The following ZNF276 variants were observed in gnomAD, a reference collection of about 807,000 sequenced individuals.
ZNF276 encodes the protein zinc finger protein 276.
Under a neutral mutation model 63.9 loss-of-function variants are expected in ZNF276, and 59 were observed. The observed-to-expected ratio is 0.92, with a 90% CI of 0.75 to 1.15. The LOEUF (loss-of-function observed/expected upper bound fraction) is 1.15. Ranked by LOEUF, ZNF276 falls within the 50% of genes most tolerant of loss-of-function variation. The pLI is 0.00. For missense variants in ZNF276, 1,084 were observed against 843.8 expected, an observed-to-expected ratio of 1.28 and a Z score of -3.53; for synonymous variants, 496 against 348.4, an observed-to-expected ratio of 1.42 and a Z score of -4.72.
Position 89,738,529 on chromosome 16 carries a change from C to G in ZNF276, c.*283C>G, listed in dbSNP as rs1215123045. 109 of 1,605,240 alleles carry G rather than the reference C, an allele frequency of 6.8e-5. No homozygotes were observed. The highest frequency in any genetic ancestry group is 8.9e-5 in the Non-Finnish European group (104 of 1,174,534). ...ATTTGTAATCCACTTTTTAGTGCAA[C>G]AAGAGCTCCATGTTATGCTTGTAAT... On this transcript the variant is annotated 3_prime_UTR_variant, in exon 11 of 11. Coordinates refer to ENST00000443381, the MANE Select transcript of ZNF276 (RefSeq NM_001113525.2).
In ZNF276 at chr16:89,721,780, C is replaced by T; in HGVS notation, c.140C>T (p.Ala47Val). ...GGGCCGAGGGTGGACGGGGCGACGG[C>T]GCGGCGCGCCTGGGGCCCGGTGGGG... ...SGGPRVDGAT[A>V]RRAWGPVGSC... The change falls in exon 1 of 11, where the codon GCG (alanine) becomes GTG (valine). Residue 47 changes from alanine (A) to valine (V), a missense_variant. Coordinates refer to ENST00000443381, the MANE Select transcript of ZNF276 (RefSeq NM_001113525.2). 1 of 1,261,242 alleles carries T rather than the reference C, an allele frequency of 7.9e-7. No homozygotes were observed. The highest frequency in any genetic ancestry group is 3.2e-5 in the East Asian group (1 of 31,264). 78.1% of individuals were successfully genotyped at this position (1,261,242 alleles called of 1,614,324 possible).
At chr16:89,724,456 G>T (rs921564389) in intron 4 of ZNF276, among the ~76,000 whole-genome samples, 1 of 152,190 alleles carries the variant, frequency 6.6e-6, no homozygotes, top group African/African-American at 2.4e-5. Flanking sequence ...AGACCAACCT[G>T]GCCAACATAG....
At position 89,738,433 on chromosome 16, in the gene ZNF276, A is replaced by C; in HGVS notation, c.*187A>C. The stretch of plus-strand genomic sequence containing the variant: ...GGGACCAGTGGTTTATTTTCCCGCA[A>C]ACGCTGAGTGACTCGGGGCCGGACA... On this transcript the variant is annotated 3_prime_UTR_variant, in exon 11 of 11. Transcript: ENST00000443381. 1 of 1,382,688 alleles carries C rather than the reference A, an allele frequency of 7.2e-7. No individual in the cohort carries two copies. Among genetic ancestry groups the C allele is most frequent in the Non-Finnish European group, 9.9e-7 (1 of 1,014,720 alleles). 85.7% of individuals were successfully genotyped at this position (1,382,688 alleles called of 1,614,324 possible). A position where few individuals can be genotyped will look rare whatever the true frequency, so the allele number is the denominator to read the frequency against.
rs2061494930 is a variant in ZNF276 at position 89,727,179 on chromosome 16, G to A, written c.1007-100G>A. 5 of 1,255,282 alleles carry A rather than the reference G, an allele frequency of 4.0e-6. No individual in the cohort carries two copies. In the African/African-American group the frequency reaches 5.9e-5, roughly 15 times the overall value. 77.8% of individuals were successfully genotyped at this position (1,255,282 alleles called of 1,614,324 possible). A position where few individuals can be genotyped will look rare whatever the true frequency, so the allele number is the denominator to read the frequency against. The stretch of plus-strand genomic sequence containing the variant: ...GAGAACTTGAGGGTCAGGGACCCCA[G>A]TCTCCCTTCTAGTCATCAATAGTAG... On this transcript the variant is annotated intron_variant, in intron 4 of 10. Coordinates refer to ENST00000443381, the MANE Select transcript of ZNF276 (RefSeq NM_001113525.2).
chr16:89,732,164 CTCTCTT>C (rs66866449), intron 6 of ZNF276: 59,420 of 152,014 alleles, frequency 0.39, 12,844 homozygotes, highest in East Asian at 0.75. Flanking sequence ...AAGTGCGTCT[CTCTCTT>C]TAAGTCTCCG....
At chr16:89,733,580 C>T (rs765436265) in intron 8 of ZNF276, 23 bp downstream of exon 8, 3 of 1,612,386 alleles carry the variant, frequency 1.9e-6, no homozygotes, top group South Asian at 1.1e-5. Context: ...TGTGCCTGAC[C>T]CAGGCCCGGC....
Position 89,739,961 on chromosome 16 carries a change from T to A in ZNF276, c.*1715T>A. The A allele has an allele frequency of 6.2e-7, 1 of 1,612,292 alleles. No individual in the cohort carries two copies. The highest frequency in any genetic ancestry group is 8.5e-7 in the Non-Finnish European group (1 of 1,178,426). On this transcript the variant is annotated 3_prime_UTR_variant, in exon 11 of 11. Transcript: ENST00000443381. ...AAGATGCCTCTGAAAAGAGCGGCCCTCCGCATTTGTGCCTCAGCAGCGTGT... is the reference window on the plus strand; with the variant it reads ...AAGATGCCTCTGAAAAGAGCGGCCCACCGCATTTGTGCCTCAGCAGCGTGT...
At position 89,735,176 on chromosome 16, in the gene ZNF276, C is replaced by T. The variant is rs574992453; in HGVS notation, c.1474+1138C>T. Among the ~76,000 whole-genome samples, 5 of 151,942 alleles carry T rather than the reference C, an allele frequency of 3.3e-5. No homozygotes were observed. The East Asian group carries it at 7.8e-4, about 24-fold the overall frequency. On this transcript the variant is annotated intron_variant, in intron 9 of 10. Transcript: ENST00000443381. ...CCACGTGGACCCACATATCCATGGT[C>T]AGGGACTCGAATCCCTGGTATTCAG...
In ZNF276 at chr16:89,740,917, C is replaced by T; in HGVS notation, c.*2671C>T. 2 of 1,491,430 alleles carry T rather than the reference C, an allele frequency of 1.3e-6. No individual in the cohort carries two copies. Among genetic ancestry groups the T allele is most frequent in the Middle Eastern group, 1.7e-4 (1 of 5,864 alleles). The allele number at this position is 1,491,430 out of a possible 1,614,324, so 92.4% of individuals were successfully genotyped here. A position where few individuals can be genotyped will look rare whatever the true frequency, so the allele number is the denominator to read the frequency against. On this transcript the variant is annotated 3_prime_UTR_variant, in exon 11 of 11. Coordinates refer to ENST00000443381, the MANE Select transcript of ZNF276 (RefSeq NM_001113525.2). ...ATTACATTAAAATTACCTGTGCTGT[C>T]ATTCTAAATAAGGCTGACACATTCC... is the stretch of plus-strand genomic sequence containing the variant.
chr16:89,729,968 T>C (rs1216675511), intron 6 of ZNF276, among the ~76,000 whole-genome samples: 1 of 152,190 alleles, frequency 6.6e-6, no homozygotes, highest in African/African-American at 2.4e-5. Flanking sequence ...TCCCAGGTAG[T>C]TGGTGACTGA....
At chr16:89,722,392 C>T (rs2151657737) in intron 1 of ZNF276, 139 bp from the exon 2 acceptor site, 2 of 966,966 alleles carry the variant, frequency 2.1e-6, no homozygotes, top group Non-Finnish European at 3.0e-6. Flanking sequence ...CGCCGAGAGC[C>T]GCGCGCCCGA....
At chr16:89,728,637 C>T (rs892751460) in intron 5 of ZNF276, among the ~76,000 whole-genome samples, 17 of 152,008 alleles carry the variant, frequency 1.1e-4, no homozygotes, top group African/African-American at 2.4e-4. Context: ...CTCCTGACCT[C>T]GTGATCCGCC....
chr16:89,722,904 A>G (rs1597962716), intron 2 of ZNF276, 70 bp downstream of exon 2: 2 of 1,563,326 alleles, frequency 1.3e-6, no homozygotes, highest in Middle Eastern at 1.7e-4. Context: ...TGAGAGAGGG[A>G]CAGGGCGTGC....
chr16:89,738,802 C>G lies in ZNF276; in HGVS notation c.*556C>G, dbSNP rs34602467. The G allele has an allele frequency of 1.2e-5, 20 of 1,613,482 alleles. No individual in the cohort carries two copies. The East Asian group carries it at 4.0e-4, about 32-fold the overall frequency. ...GGCAGAAATAGTCGAGTTGTATTGC[C>G]AGCCAGGCAGGCACATGGCCCAGGC... On this transcript the variant is annotated 3_prime_UTR_variant, in exon 11 of 11. Coordinates refer to ENST00000443381, the MANE Select transcript of ZNF276 (RefSeq NM_001113525.2).
Position 89,722,715 on chromosome 16 carries a change from C to G in ZNF276, c.390C>G (p.Thr130=), listed in dbSNP as rs775393898. 2 of 1,612,330 alleles carry G rather than the reference C, an allele frequency of 1.2e-6. No individual in the cohort carries two copies. The highest frequency in any genetic ancestry group is 1.7e-6 in the Non-Finnish European group (2 of 1,180,034). Residue 130 remains threonine, a synonymous_variant, in exon 2 of 11, where the codon ACC becomes ACG. Coordinates refer to ENST00000443381, the MANE Select transcript of ZNF276 (RefSeq NM_001113525.2). The part of the protein sequence containing the change: ...LLGVAVRQDP[T]LSPFVCKSCH... The stretch of plus-strand genomic sequence containing the variant: ...GTGTGGCTGTCCGCCAGGACCCCAC[C>G]TTGTCTCCGTTTGTCTGCAAGAGCT...
Position 89,737,887 on chromosome 16 carries a change from C to T in ZNF276, c.1556C>T (p.Ser519Leu). 8 of 1,612,958 alleles carry T rather than the reference C, an allele frequency of 5.0e-6. No homozygotes were observed. The highest frequency in any genetic ancestry group is 1.3e-5 in the African/African-American group (1 of 74,456). Residue 519 changes from serine to leucine, a missense_variant, in exon 10 of 11, where the codon TCG becomes TTG. Physicochemically the swap from Ser to Leu is moderately radical, Grantham distance 145. Transcript: ENST00000443381. ...KHLLVHQMRH[S>L]GAKPLQCEVC... is the part of the protein sequence containing the mutation. ...CTTCTCGTCCACCAAATGCGACATT[C>T]GGGAGCCAAGCCTTTGCAGTAAGTG...
intron 9 of ZNF276, among the ~76,000 whole-genome samples, chr16:89,736,376 G>A (rs71396956): frequency 0.018 from 2,646 of 149,732 alleles, 41 homozygotes; most frequent in South Asian, 0.092. Context: ...CCAGCCTGGA[G>A]TGCAGCTGTG....
chr16:89,721,168 C>A, upstream of ZNF276: 1 of 254,032 alleles, frequency 3.9e-6, no homozygotes, highest in Non-Finnish European at 7.4e-6. Flanking sequence ...AGCCAGGCCC[C>A]TCTCTACGTG....
At chr16:89,729,360 C>G in intron 6 of ZNF276, 42 bp downstream of exon 6, 1 of 1,566,518 alleles carries the variant, frequency 6.4e-7, no homozygotes, top group Non-Finnish European at 8.8e-7. Context: ...ATCCGTTGGG[C>G]GACCTAGACA....
Sources: allele counts gnomAD v4.1 joint callset (sites outside exome capture counted in the v4.1 genomes callset), GRCh38; gene constraint gnomAD v4.1.1; transcripts MANE v1.5; gene names NCBI Gene and HGNC (gene_info 2026-07-23, HGNC 2026-07-21).